Variants in PARD3 observed in about 807,000 individuals in gnomAD.
PARD3 encodes partitioning defective 3 homolog.
In PARD3, 75 loss-of-function variants were observed where a neutral mutation model predicts 155.4. That is an observed-to-expected ratio of 0.48 (90% confidence interval 0.40 to 0.58). The LOEUF (loss-of-function observed/expected upper bound fraction) is 0.58. PARD3 is among the 20% of genes least tolerant of loss of function. The pLI is 0.00. For synonymous variants in PARD3, 576 were observed against 610.5 expected (o/e 0.94, Z 0.83); for missense variants, 1,642 against 1,721.7 (o/e 0.95, Z 0.82).
chr10:34,655,152 C>G (rs1419246694), intron 2 of PARD3, among the ~76,000 whole-genome samples: 1 of 151,406 alleles, frequency 6.6e-6, no homozygotes, highest in Non-Finnish European at 1.5e-5. Flanking sequence ...CTCTGCAATC[C>G]TACCTGTGTT....
chr10:34,167,389 G>T (rs1765166), intron 22 of PARD3, among the ~76,000 whole-genome samples: 36,103 of 151,942 alleles, frequency 0.24, 4,454 homozygotes, highest in Middle Eastern at 0.36. Flanking sequence ...CAATTAGTCT[G>T]CCAGTAATGC....
In PARD3 at chr10:34,360,103, T is replaced by C. The variant is rs545595764; in HGVS notation, c.1864A>G (p.Lys622Glu). The C allele has an allele frequency of 6.2e-7, 1 of 1,614,130 alleles. No homozygotes were observed. Among genetic ancestry groups the C allele is most frequent in the South Asian group, 1.1e-5 (1 of 91,076 alleles). The part of the protein sequence containing the change: ...ENHADLGIFV[K>E]SIINGGAASK... The stretch of plus-strand genomic sequence containing the variant: ...GCTGCTCCTCCATTAATAATGGACT[T>C]GACAAAGATTCCCAAATCTGCGTGG... The change falls in exon 13 of 25, where the codon AAG becomes GAG. Residue 622 changes from lysine (K) to glutamate (E), a missense_variant. Coordinates refer to ENST00000374788, the MANE Select transcript of PARD3 (RefSeq NM_001184785.2).
intron 3 of PARD3, among the ~76,000 whole-genome samples, chr10:34,505,132 C>T (rs902758788): frequency 2.6e-5 from 4 of 152,222 alleles, no homozygotes; most frequent in Non-Finnish European, 1.5e-5. Context: ...ATGTAACACA[C>T]GTCTTACTAC....
chr10:34,590,537 C>T (rs1262145296), intron 2 of PARD3, among the ~76,000 whole-genome samples: 9 of 152,100 alleles, frequency 5.9e-5, no homozygotes, highest in Admixed American at 5.2e-4. Flanking sequence ...TGGGAGTGGG[C>T]AGAGTGGTTG....
At chr10:34,168,432 G>A (rs1190972936) in intron 22 of PARD3, among the ~76,000 whole-genome samples, 1 of 152,194 alleles carries the variant, frequency 6.6e-6, no homozygotes, top group Non-Finnish European at 1.5e-5. Context: ...CTGAGAGCCT[G>A]TTGATGAGTG....
At chr10:34,521,641 A>G (rs1207543574) in intron 2 of PARD3, among the ~76,000 whole-genome samples, 1 of 152,210 alleles carries the variant, frequency 6.6e-6, no homozygotes, top group Non-Finnish European at 1.5e-5. Context: ...TAACACCTAC[A>G]ATAGCCCAAG....
At chr10:34,264,003 C>T (rs1955163541) in intron 22 of PARD3, among the ~76,000 whole-genome samples, 2 of 152,162 alleles carry the variant, frequency 1.3e-5, no homozygotes, top group African/African-American at 4.8e-5. Context: ...CAATGATTCC[C>T]TTTGGGCTCT....
intron 2 of PARD3, among the ~76,000 whole-genome samples, chr10:34,691,556 C>T (rs2094062496): frequency 6.6e-6 from 1 of 152,264 alleles, no homozygotes; most frequent in South Asian, 2.1e-4. Context: ...CCCTATCAAA[C>T]TATACCAATG....
At chr10:34,269,201 T>C (rs986051963) in intron 22 of PARD3, among the ~76,000 whole-genome samples, 3 of 152,208 alleles carry the variant, frequency 2.0e-5, no homozygotes, top group African/African-American at 7.2e-5. Flanking sequence ...TCTTCTCATT[T>C]ACCGATTCTT....
intron 3 of PARD3, among the ~76,000 whole-genome samples, chr10:34,483,633 G>A (rs2079246076): frequency 6.6e-6 from 1 of 152,180 alleles, no homozygotes; most frequent in Non-Finnish European, 1.5e-5. Context: ...GCCCCAGATA[G>A]AATGTAAGAC....
chr10:34,147,710 T>C (rs1278717435), intron 22 of PARD3, among the ~76,000 whole-genome samples: 1 of 151,918 alleles, frequency 6.6e-6, no homozygotes, highest in Non-Finnish European at 1.5e-5. Context: ...TATTTGTTTT[T>C]CTCTTTATAT....
At chr10:34,542,031 GC>G (rs1176393431) in intron 2 of PARD3, among the ~76,000 whole-genome samples, 1 of 151,996 alleles carries the variant, frequency 6.6e-6, no homozygotes, top group East Asian at 1.9e-4. Context: ...AAGCAACACC[GC>G]CCCTGGCCTA....
At chr10:34,783,454 A>C (rs1840515530) in intron 1 of PARD3, among the ~76,000 whole-genome samples, 1 of 151,890 alleles carries the variant, frequency 6.6e-6, no homozygotes, top group Admixed American at 6.6e-5. Context: ...AATACAAAAA[A>C]TTAGCTGGGC....
intron 3 of PARD3, among the ~76,000 whole-genome samples, chr10:34,499,846 T>C (rs2080561418): frequency 1.3e-5 from 2 of 152,218 alleles, no homozygotes; most frequent in African/African-American, 2.4e-5. Flanking sequence ...GCTCCAGTCC[T>C]GGATATGACA....
intron 9 of PARD3, among the ~76,000 whole-genome samples, chr10:34,381,348 T>G (rs1841803666): frequency 6.6e-6 from 1 of 152,204 alleles, no homozygotes; most frequent in Non-Finnish European, 1.5e-5. Flanking sequence ...AAAAAAAATA[T>G]TCTTTATAAT....
At chr10:34,549,263 A>G (rs1352356788) in intron 2 of PARD3, among the ~76,000 whole-genome samples, 1 of 152,230 alleles carries the variant, frequency 6.6e-6, no homozygotes, top group Admixed American at 6.5e-5. Flanking sequence ...TACCCACAGT[A>G]CAGTCTTATT....
chr10:34,146,581 A>T (rs1948515941), intron 22 of PARD3, among the ~76,000 whole-genome samples: 1 of 152,196 alleles, frequency 6.6e-6, no homozygotes, highest in Non-Finnish European at 1.5e-5. Flanking sequence ...CCTTTCTTTG[A>T]CATGTGATGA....
At chr10:34,286,025 G>A (rs1439292864) in intron 20 of PARD3, among the ~76,000 whole-genome samples, 6 of 151,972 alleles carry the variant, frequency 3.9e-5, no homozygotes, top group Non-Finnish European at 8.8e-5. Flanking sequence ...ATTTCACAAG[G>A]TATAAAATAC....
chr10:34,711,331 C>A (rs191957871), intron 1 of PARD3, among the ~76,000 whole-genome samples: 55 of 152,222 alleles, frequency 3.6e-4, no homozygotes, highest in African/African-American at 1.3e-3. Flanking sequence ...ACCAGCCTGG[C>A]CAACATGGTG....
Sources: allele counts gnomAD v4.1 joint callset (sites outside exome capture counted in the v4.1 genomes callset), GRCh38; gene constraint gnomAD v4.1.1; transcripts MANE v1.5; gene names NCBI Gene and HGNC (gene_info 2026-07-23, HGNC 2026-07-21).